The following HIVEP3 variants were observed in gnomAD, a reference collection of about 807,000 sequenced individuals.
HIVEP3 encodes the protein HIVEP zinc finger 3.
In HIVEP3, 49 loss-of-function variants were observed where a neutral mutation model predicts 152.8. That is an observed-to-expected ratio of 0.32 (90% CI 0.26 to 0.41). The LOEUF (loss-of-function observed/expected upper bound fraction) is 0.41, where lower values mean the gene tolerates loss of function less well. Among genes scored for constraint, HIVEP3 ranks in the 10% least tolerant of loss-of-function variants. The probability of loss-of-function intolerance (pLI) is 1.00; values close to 1 mark genes in which losing one functional copy is unlikely to be tolerated. For synonymous variants in HIVEP3, 1,269 were observed against 1,289.0 expected, an observed-to-expected ratio of 0.98 and a Z score of 0.33; for missense variants, 2,790 against 3,103.3, an observed-to-expected ratio of 0.90 and a Z score of 2.40.
intron 2 of HIVEP3, among the ~76,000 whole-genome samples, chr1:41,669,089 G>A (rs984716018): frequency 6.6e-6 from 1 of 152,162 alleles, no homozygotes; most frequent in African/African-American, 2.4e-5. Context: ...CCCTCTGAGA[G>A]CTGTCTTCCC....
At chr1:41,771,991 C>G (rs1648403563) in intron 1 of HIVEP3, among the ~76,000 whole-genome samples, 1 of 152,108 alleles carries the variant, frequency 6.6e-6, no homozygotes, top group South Asian at 2.1e-4. Context: ...GCTGACTCTC[C>G]CTCTCTTGGG....
At position 41,900,244 on chromosome 1, in the gene HIVEP3, T is replaced by C. The variant is rs1644598758; in HGVS notation, c.-801+18169A>G. Among the ~76,000 whole-genome samples, 4 of 152,272 alleles carry C rather than the reference T, an allele frequency of 2.6e-5. No individual in the cohort carries two copies. The South Asian group carries it at 8.3e-4, about 32-fold the overall frequency. On this transcript the variant is annotated intron_variant, in intron 1 of 8. Transcript: ENST00000372583. Reference sequence around the variant, plus strand: ...TTTAAAGTGGGTCCCACAAGCCCTGTCCTACAGGGCTGCTATAAGGATTTA... The same window carrying C: ...TTTAAAGTGGGTCCCACAAGCCCTGCCCTACAGGGCTGCTATAAGGATTTA...
chr1:42,032,312 A>G (rs945858413), intron 1 of HIVEP3, among the ~76,000 whole-genome samples: 2 of 152,120 alleles, frequency 1.3e-5, no homozygotes, highest in African/African-American at 4.8e-5. Context: ...GCGCCATCTC[A>G]CTGCCACCTC....
At chr1:41,836,955 C>T (rs186492252) in intron 1 of HIVEP3, among the ~76,000 whole-genome samples, 6 of 152,354 alleles carry the variant, frequency 3.9e-5, no homozygotes, top group East Asian at 3.9e-4. Context: ...ATCCCCTACA[C>T]AGCAGATCAT....
intron 1 of HIVEP3, among the ~76,000 whole-genome samples, chr1:41,837,642 T>C (rs1226185710): frequency 6.6e-6 from 1 of 152,226 alleles, no homozygotes; most frequent in African/African-American, 2.4e-5. Flanking sequence ...TTTGTCTTCT[T>C]CATAACCCCT....
At chr1:41,876,972 A>G (rs753524128) in intron 1 of HIVEP3, among the ~76,000 whole-genome samples, 3 of 152,118 alleles carry the variant, frequency 2.0e-5, no homozygotes, top group Non-Finnish European at 4.4e-5. Context: ...TCCAAGCCCT[A>G]AACCCCTCCT....
intron 1 of HIVEP3, among the ~76,000 whole-genome samples, chr1:41,906,443 G>C (rs1644711700): frequency 1.3e-5 from 2 of 152,134 alleles, no homozygotes; most frequent in South Asian, 2.1e-4. Context: ...AAGCAAAAAG[G>C]GTGCATATTT....
chr1:42,019,305 G>C (rs1479790303), intron 1 of HIVEP3, among the ~76,000 whole-genome samples: 1 of 151,966 alleles, frequency 6.6e-6, no homozygotes, highest in Non-Finnish European at 1.5e-5. Context: ...TGAATGGCTT[G>C]TATAATATAC....
At chr1:41,595,867 A>G (rs1644658493) in intron 3 of HIVEP3, among the ~76,000 whole-genome samples, 1 of 152,194 alleles carries the variant, frequency 6.6e-6, no homozygotes, top group Non-Finnish European at 1.5e-5. Flanking sequence ...TTTGGGACTC[A>G]GACTGGCTTC....
intron 5 of HIVEP3, among the ~76,000 whole-genome samples, chr1:41,531,440 CA>C (rs1263399524): frequency 7.3e-6 from 1 of 136,124 alleles, no homozygotes; most frequent in Non-Finnish European, 1.6e-5. Flanking sequence ...AGATGGAAGA[CA>C]GGGGAGATGG....
intron 1 of HIVEP3, among the ~76,000 whole-genome samples, chr1:42,031,698 T>C (rs1319497725): frequency 6.6e-6 from 1 of 152,222 alleles, no homozygotes; most frequent in Admixed American, 6.5e-5. Context: ...AAGAACAATA[T>C]TGTCCTGGCC....
At chr1:41,948,733 C>T (rs1645088660) in intron 1 of HIVEP3, among the ~76,000 whole-genome samples, 1 of 146,074 alleles carries the variant, frequency 6.8e-6, no homozygotes, top group Non-Finnish European at 1.5e-5. Context: ...CAGCAGCTAA[C>T]CAGTGGAAAT....
chr1:41,994,030 T>G, intron 1 of HIVEP3, among the ~76,000 whole-genome samples: 1 of 145,818 alleles, frequency 6.9e-6, no homozygotes, highest in Non-Finnish European at 1.5e-5. Flanking sequence ...GGGATAGCAT[T>G]GGGAGATATA....
In HIVEP3 at chr1:41,582,558, C is replaced by T. The variant is rs769564725; in HGVS notation, c.2240G>A (p.Arg747Gln). 20 of 1,611,520 alleles carry T rather than the reference C, an allele frequency of 1.2e-5. No individual in the cohort carries two copies. The highest frequency in any genetic ancestry group is 1.7e-5 in the Admixed American group (1 of 59,792). The change falls in exon 4 of 9, where the codon CGG (arginine) becomes CAG (glutamine). Residue 747 changes from arginine to glutamine, a missense_variant. By Grantham distance (43) the Arg-to-Gln change is conservative (BLOSUM62 1). Around this residue, in one of 9 missense-constraint regions of HIVEP3, gnomAD observed 339 missense variants for 327.0 expected, o/e 1.04. Transcript: ENST00000372583. This position sits in a 1 kb window ranked among gnomAD's most constrained non-coding sequence, Gnocchi z 4.7. ...CTTGGTGGACTCCAGGGGAAGGTTC[C>T]GAGCAGCATCAGATGGCCCGGGGCT... ...FGSPGPSDAA[R>Q]NLPLESTKSP...
chr1:41,696,288 G>A (rs559755678), intron 2 of HIVEP3, among the ~76,000 whole-genome samples: 99 of 152,342 alleles, frequency 6.5e-4, no homozygotes, highest in African/African-American at 2.3e-3. Flanking sequence ...GCAATCTCCC[G>A]TGTGTTTGGT....
intron 7 of HIVEP3, among the ~76,000 whole-genome samples, chr1:41,514,224 T>C (rs2149047695): frequency 6.6e-6 from 1 of 152,334 alleles, no homozygotes; most frequent in South Asian, 2.1e-4. Context: ...CTTACCACCT[T>C]GCTCTGCTTG....
At position 41,583,022 on chromosome 1, in the gene HIVEP3, T is replaced by G; in HGVS notation, c.1776A>C (p.Ala592=). ...SHPRMLKRQP[A]IELPLGGEYS... is the part of the protein sequence containing the mutation. ...ATTCCCCTCCCAAAGGTAATTCGAT[T>G]GCCGGCTGGCGCTTCAGCATCCGGG... Residue 592 remains alanine, a synonymous_variant, in exon 4 of 9, where the codon GCA becomes GCC. Transcript: ENST00000372583. The surrounding 1 kb of genome is among the most constrained non-coding windows in gnomAD (Gnocchi z 6.9). The G allele has an allele frequency of 3.7e-6, 6 of 1,614,036 alleles. No homozygotes were observed. The highest frequency in any genetic ancestry group is 5.1e-6 in the Non-Finnish European group (6 of 1,180,006).
At chr1:41,754,645 G>A (rs771746982) in intron 1 of HIVEP3, among the ~76,000 whole-genome samples, 3 of 152,080 alleles carry the variant, frequency 2.0e-5, no homozygotes, top group Non-Finnish European at 4.4e-5. Flanking sequence ...AGCAGGGGTC[G>A]CCACACAAAC....
intron 1 of HIVEP3, among the ~76,000 whole-genome samples, chr1:42,023,622 G>A (rs188134983): frequency 5.7e-4 from 87 of 152,050 alleles, no homozygotes; most frequent in Non-Finnish European, 1.0e-3. Flanking sequence ...ATGAGATCTG[G>A]TTGTTTAAAA....
Sources: allele counts gnomAD v4.1 joint callset (sites outside exome capture counted in the v4.1 genomes callset), GRCh38; gene constraint gnomAD v4.1.1; regional missense constraint gnomAD v4.1.1; non-coding constraint Gnocchi (gnomAD v3.1); transcripts MANE v1.5; gene names NCBI Gene and HGNC (gene_info 2026-07-23, HGNC 2026-07-21).